AKAP17A: variants seen among roughly 807,000 people sequenced by gnomAD.
AKAP17A encodes A-kinase anchoring protein 17A.
In AKAP17A, 15 loss-of-function variants were observed where a neutral mutation model predicts 52.2. The ratio of observed to expected loss-of-function variants is 0.29; its 90% CI spans 0.19 to 0.44. The LOEUF (loss-of-function observed/expected upper bound fraction) is 0.44, where lower values mean the gene tolerates loss of function less well. Among genes scored for constraint, AKAP17A ranks in the 20% least tolerant of loss-of-function variants. The pLI is 1.00. For synonymous variants in AKAP17A, 514 were observed against 424.7 expected (o/e 1.21, Z -2.58); for missense variants, 1,060 against 1,007.0 (o/e 1.05, Z -0.71).
Position 1,601,212 on chromosome X carries a change from G to A in AKAP17A, c.1706G>A (p.Arg569Lys). The A allele has an allele frequency of 6.2e-7, 1 of 1,613,922 alleles. No individual in the cohort carries two copies. Among genetic ancestry groups the A allele is most frequent in the Non-Finnish European group, 8.5e-7 (1 of 1,179,810 alleles). ...CCTGCCTGCGAGCAGAATGTCTCCA[G>A]AAAGGACACCCGGTCAGAACAGGAC... ...GIPACEQNVS[R>K]KDTRSEQDKC... is the part of the protein sequence containing the mutation. The change falls in exon 5 of 5, where the codon AGA (arginine) becomes AAA (lysine). Residue 569 changes from arginine (R) to lysine (K), a missense_variant. By Grantham distance (26) the Arg-to-Lys change is conservative. Transcript: ENST00000313871.
chrX:1,593,426 C>G lies in AKAP17A; in HGVS notation c.-19-18C>G. ...GGTGGGGGGTGCTGGTGCTGACTGT[C>G]TGCGTCTTATGTTTCAGGCCCAAGG... On this transcript the variant is annotated intron_variant, in intron 1 of 4. Coordinates refer to ENST00000313871, the MANE Select transcript of AKAP17A (RefSeq NM_005088.3). 1 of 1,588,796 alleles carries G rather than the reference C, an allele frequency of 6.3e-7. No homozygotes were observed. Among genetic ancestry groups the G allele is most frequent in the Non-Finnish European group, 8.6e-7 (1 of 1,165,294 alleles).
At chrX:1,600,389 C>A in intron 4 of AKAP17A, 1 of 623,334 alleles carries the variant, frequency 1.6e-6, no homozygotes, top group East Asian at 2.9e-5. Context: ...AAGAGGCCCG[C>A]CCTGGGGCTG....
Position 1,601,389 on chromosome X carries a change from C to A in AKAP17A, c.1883C>A (p.Ala628Asp). The change falls in exon 5 of 5, where the codon GCC becomes GAC. Residue 628 changes from alanine (A) to aspartate (D), a missense_variant. Physicochemically the swap from Ala to Asp is moderately radical, Grantham distance 126. Coordinates refer to ENST00000313871, the MANE Select transcript of AKAP17A (RefSeq NM_005088.3). ...GAGCGGCGGCCCCACAAGAAGCACG[C>A]CTACAAGGATGACAGCCCCCGCCGG... ...RKERRPHKKH[A>D]YKDDSPRRRS... 1 of 1,568,314 alleles carries A rather than the reference C, an allele frequency of 6.4e-7. No individual in the cohort carries two copies. Among genetic ancestry groups the A allele is most frequent in the Middle Eastern group, 2.1e-4 (1 of 4,740 alleles).
At chrX:1,591,887 G>C (rs1214302735) in intron 1 of AKAP17A, 118 bp downstream of exon 1, 1 of 150,088 alleles carries the variant, frequency 6.7e-6, no homozygotes, top group African/African-American at 2.4e-5. Context: ...CGGAGGTGAC[G>C]GGGCTGGGGT....
At chrX:1,597,319 GC>G (rs1933055749) in intron 3 of AKAP17A, among the ~76,000 whole-genome samples, 1 of 152,184 alleles carries the variant, frequency 6.6e-6, no homozygotes, top group Non-Finnish European at 1.5e-5. Flanking sequence ...CAGTGTGTAA[GC>G]GAGTGGCCGT....
chrX:1,593,819 C>T lies in AKAP17A; in HGVS notation c.357C>T (p.Ile119=), dbSNP rs747010245. Residue 119 remains isoleucine (I), a synonymous_variant, in exon 2 of 5, where the codon ATC becomes ATT. Transcript: ENST00000313871. ...AGGTGCGCGCGGCCGAGTTCAAGAT[C>T]GACTTCCCCACCCGCCACGACTGGG... The part of the protein sequence containing the change: ...ILKVRAAEFK[I]DFPTRHDWDS... 5.6e-6 allele frequency: 9 copies of T among 1,610,210 alleles called. No homozygotes were observed. Among genetic ancestry groups the T allele is most frequent in the Admixed American group, 3.3e-5 (2 of 59,854 alleles).
At chrX:1,600,197 CTT>C in intron 4 of AKAP17A, 1 of 1,310,592 alleles carries the variant, frequency 7.6e-7, no homozygotes, top group Non-Finnish European at 1.0e-6. Flanking sequence ...CAGCCCAGTC[CTT>C]ACCTCATGGT....
At position 1,597,348 on chromosome X, in the gene AKAP17A, C is replaced by T. The variant is rs760589589; in HGVS notation, c.911+1816C>T. The stretch of plus-strand genomic sequence containing the variant: ...GTGGCCGTGAATGTGCTGGGGGGGC[C>T]CATGTCAGCCGTCAGGATTCCCAGG... On this transcript the variant is annotated intron_variant, in intron 3 of 4. Transcript: ENST00000313871. 8.5e-5 allele frequency among the ~76,000 whole-genome samples: 13 copies of T among 152,266 alleles called. No homozygotes were observed. In the East Asian group the frequency reaches 2.3e-3, roughly 27 times the overall value.
chrX:1,593,361 A>G, intron 1 of AKAP17A, 83 bp from the exon 2 acceptor site: 2 of 1,399,478 alleles, frequency 1.4e-6, no homozygotes, highest in South Asian at 2.6e-5. Context: ...CCGGGTCCAG[A>G]AAGTGCCTGC....
chrX:1,594,504 A>G (rs1183637209), intron 2 of AKAP17A, among the ~76,000 whole-genome samples: 2 of 152,216 alleles, frequency 1.3e-5, no homozygotes. Context: ...GAACTCTGAC[A>G]GGGATTTGAA....
At chrX:1,592,689 T>C (rs1247833447) in intron 1 of AKAP17A, among the ~76,000 whole-genome samples, 1 of 151,854 alleles carries the variant, frequency 6.6e-6, no homozygotes, top group African/African-American at 2.4e-5. Flanking sequence ...TCACCTGAGA[T>C]GGTTGGGTTT....
intron 3 of AKAP17A, among the ~76,000 whole-genome samples, chrX:1,596,096 C>G (rs1367986997): frequency 6.6e-6 from 1 of 152,066 alleles, no homozygotes; most frequent in African/African-American, 2.4e-5. Context: ...AGAGCCACCT[C>G]TTCTCCCTCC....
chrX:1,592,724 G>C (rs1248048587), intron 1 of AKAP17A, among the ~76,000 whole-genome samples: 23 of 152,132 alleles, frequency 1.5e-4, no homozygotes, highest in Admixed American at 1.4e-3. Context: ...TCCTCTACTT[G>C]GACTTGGCCG....
At position 1,601,814 on chromosome X, in the gene AKAP17A, CGTA is replaced by C. The variant is rs1933402764; in HGVS notation, c.*223_*225del. 2 of 422,216 alleles carry C rather than the reference CGTA, an allele frequency of 4.7e-6. No individual in the cohort carries two copies. The highest frequency in any genetic ancestry group is 3.5e-5 in the East Asian group (1 of 28,390). 26.2% of individuals were successfully genotyped at this position (422,216 alleles called of 1,614,324 possible). Reference sequence around the variant, plus strand: ...GTACTTGGCACTTCAGTTTCAAACACGTAGTCCTTTAAAACTTGATCCGATAGC... The same window carrying C: ...GTACTTGGCACTTCAGTTTCAAACACGTCCTTTAAAACTTGATCCGATAGC... On this transcript the variant is annotated 3_prime_UTR_variant, in exon 5 of 5. Transcript: ENST00000313871.
chrX:1,596,264 A>G (rs1932974293), intron 3 of AKAP17A, among the ~76,000 whole-genome samples: 1 of 151,654 alleles, frequency 6.6e-6, no homozygotes, highest in Admixed American at 6.6e-5. Flanking sequence ...ATGATAGGAC[A>G]AAAACCCGGT....
chrX:1,599,032 G>C (rs765011513), intron 3 of AKAP17A, among the ~76,000 whole-genome samples, 160 bp from the exon 4 acceptor site: 3 of 152,278 alleles, frequency 2.0e-5, no homozygotes, highest in Admixed American at 1.3e-4. Context: ...TCCACCTCTC[G>C]GGCTGCTTTG....
In AKAP17A at chrX:1,595,596, G is replaced by A. The variant is rs188295485; in HGVS notation, c.911+64G>A. 363 of 1,599,798 alleles carry A rather than the reference G, an allele frequency of 2.3e-4. 1 individual carries two copies. The African/African-American group carries it at 3.8e-3, about 17-fold the overall frequency. On this transcript the variant is annotated intron_variant, in intron 3 of 4. Coordinates refer to ENST00000313871, the MANE Select transcript of AKAP17A (RefSeq NM_005088.3). ...GGCACCTGGGAGTGTGCGCAGACCC[G>A]TGTGCGTGTGTCTGCATGTATTCCT...
intron 3 of AKAP17A, among the ~76,000 whole-genome samples, chrX:1,598,170 C>T (rs771082240): frequency 3.9e-5 from 6 of 152,228 alleles, no homozygotes; most frequent in Non-Finnish European, 5.9e-5. Flanking sequence ...TGCCCTGAGC[C>T]GCCCTCCGAG....
intron 3 of AKAP17A, among the ~76,000 whole-genome samples, chrX:1,597,283 C>G (rs181338934): frequency 3.9e-5 from 6 of 152,104 alleles, no homozygotes; most frequent in Non-Finnish European, 8.8e-5. Flanking sequence ...ATCTGAACCC[C>G]GAGGGCTCCT....
Sources: gnomAD v4.1 joint callset for allele counts (sites outside exome capture counted in the v4.1 genomes callset) on GRCh38, gnomAD v4.1.1 for gene constraint, MANE v1.5 for transcripts, NCBI Gene and HGNC (gene_info 2026-07-23, HGNC 2026-07-21) for gene names.